DNAJC24: variants seen among roughly 807,000 people sequenced by gnomAD.
The protein encoded by DNAJC24 is dnaJ homolog subfamily C member 24.
DNAJC24 carries 17 observed loss-of-function variants against 18.0 expected under a neutral mutation model. That is an observed-to-expected ratio of 0.94 (90% CI 0.65 to 1.42). The LOEUF is 1.42. Ranked by LOEUF, DNAJC24 falls within the 40% of genes most tolerant of loss-of-function variation. DNAJC24 has a pLI of 0.00. For missense variants in DNAJC24, 158 were observed against 175.6 expected (o/e 0.90, Z 0.57); for synonymous variants, 55 against 57.7 (o/e 0.95, Z 0.21).
At chr11:31,407,998 A>G (rs1477394928) in intron 2 of DNAJC24, 2 of 431,204 alleles carry the variant, frequency 4.6e-6, no homozygotes, top group Admixed American at 5.0e-5. Context: ...GATGGTATCA[A>G]TACAAACAGT....
intron 2 of DNAJC24, among the ~76,000 whole-genome samples, chr11:31,394,516 A>G (rs1004267932): frequency 4.0e-5 from 6 of 151,734 alleles, no homozygotes; most frequent in African/African-American, 1.5e-4. Flanking sequence ...CTCTTCCACC[A>G]CACTGTTTTT....
Position 31,399,574 on chromosome 11 carries a change from C to T in DNAJC24, c.112-15237C>T, listed in dbSNP as rs143651551. On this transcript the variant is annotated intron_variant, in intron 2 of 4. Coordinates refer to ENST00000465995, the MANE Select transcript of DNAJC24 (RefSeq NM_181706.5). ...GAGTACAGGCGCACGCCATCACGCC[C>T]AGCTAATTTTTGTATTTTTAGTAGA... is the stretch of plus-strand genomic sequence containing the variant. 7.9e-3 allele frequency among the ~76,000 whole-genome samples: 1,206 copies of T among 151,958 alleles called. 15 individuals carry two copies. The highest frequency in any genetic ancestry group is 0.027 in the African/African-American group (1,131 of 41,506).
At chr11:31,397,622 C>A (rs1190910890) in intron 2 of DNAJC24, among the ~76,000 whole-genome samples, 1 of 151,786 alleles carries the variant, frequency 6.6e-6, no homozygotes, top group Non-Finnish European at 1.5e-5. Flanking sequence ...AGCAAAACAA[C>A]AACAAAACAC....
At chr11:31,374,017 A>G in intron 2 of DNAJC24, 1 of 294,486 alleles carries the variant, frequency 3.4e-6, no homozygotes, top group Non-Finnish European at 7.3e-6. Flanking sequence ...TTTTCTGCCA[A>G]CACAATTATG....
intron 3 of DNAJC24, among the ~76,000 whole-genome samples, chr11:31,419,846 T>C (rs1173265744): frequency 1.3e-5 from 2 of 152,078 alleles, no homozygotes; most frequent in Non-Finnish European, 2.9e-5. Context: ...TTGACATTTG[T>C]TCTTTTTTAA....
intron 2 of DNAJC24, among the ~76,000 whole-genome samples, chr11:31,384,379 C>G (rs1952407643): frequency 6.6e-6 from 1 of 152,166 alleles, no homozygotes; most frequent in African/African-American, 2.4e-5. Context: ...AAGTGAAGTT[C>G]TTGGAGGCAG....
At chr11:31,428,541 G>A (rs1952887612) in intron 4 of DNAJC24, among the ~76,000 whole-genome samples, 3 of 152,144 alleles carry the variant, frequency 2.0e-5, no homozygotes, top group Admixed American at 6.6e-5. Context: ...TTGCAGAATA[G>A]CTATGGAAAG....
intron 2 of DNAJC24, among the ~76,000 whole-genome samples, chr11:31,394,088 A>G (rs1310215439): frequency 6.6e-6 from 1 of 152,206 alleles, no homozygotes; most frequent in Non-Finnish European, 1.5e-5. Flanking sequence ...CCTGAGTGAC[A>G]CTTACCTAAG....
intron 4 of DNAJC24, chr11:31,427,418 T>C (rs938528112): frequency 1.3e-5 from 2 of 151,834 alleles, no homozygotes; most frequent in Non-Finnish European, 2.9e-5. Context: ...GTGGTGACAG[T>C]CTCATCAGAG....
chr11:31,390,870 C>T (rs1184762211), intron 2 of DNAJC24, among the ~76,000 whole-genome samples: 3 of 152,034 alleles, frequency 2.0e-5, no homozygotes, highest in Non-Finnish European at 4.4e-5. Flanking sequence ...TTCTACAAGG[C>T]CATTATTACC....
intron 2 of DNAJC24, among the ~76,000 whole-genome samples, chr11:31,399,739 C>CTTTTTTTT (rs757871094): frequency 2.1e-3 from 207 of 96,862 alleles, no homozygotes; most frequent in Non-Finnish European, 3.1e-3. Context: ...ACTGTTTTTT[C>CTTTTTTTT]TTTTTTTTTT....
chr11:31,395,948 T>C (rs1336633697), intron 2 of DNAJC24, among the ~76,000 whole-genome samples: 1 of 152,212 alleles, frequency 6.6e-6, no homozygotes, highest in African/African-American at 2.4e-5. Context: ...TAATTTCCCC[T>C]TTCCATTAGC....
intron 2 of DNAJC24, among the ~76,000 whole-genome samples, chr11:31,409,126 A>G (rs1428182148): frequency 1.3e-5 from 2 of 152,174 alleles, no homozygotes; most frequent in Non-Finnish European, 2.9e-5. Context: ...TAGTTTTTCC[A>G]TTAATTTTTT....
At chr11:31,394,554 A>G (rs1187268736) in intron 2 of DNAJC24, among the ~76,000 whole-genome samples, 3 of 152,028 alleles carry the variant, frequency 2.0e-5, no homozygotes, top group African/African-American at 7.2e-5. Flanking sequence ...TTTGATATTT[A>G]TAAAATAAAA....
intron 2 of DNAJC24, among the ~76,000 whole-genome samples, chr11:31,380,773 A>G (rs1230750005): frequency 6.6e-6 from 1 of 152,108 alleles, no homozygotes; most frequent in Admixed American, 6.5e-5. Flanking sequence ...GATATAGAAC[A>G]TTTTCATCTC....
chr11:31,381,575 A>ATT (rs544064492), intron 2 of DNAJC24, among the ~76,000 whole-genome samples: 9 of 142,198 alleles, frequency 6.3e-5, no homozygotes, highest in African/African-American at 7.8e-5. Context: ...TCAAAAAAAA[A>ATT]TTTTTTTTTT....
chr11:31,422,353 T>A (rs1221552600), intron 3 of DNAJC24, among the ~76,000 whole-genome samples: 5 of 152,194 alleles, frequency 3.3e-5, no homozygotes, highest in Admixed American at 3.3e-4. Flanking sequence ...TCTTTTAGTA[T>A]CATTGGACTC....
chr11:31,429,946 A>C (rs1040249516), intron 4 of DNAJC24: 1 of 170,558 alleles, frequency 5.9e-6, no homozygotes, highest in African/African-American at 2.4e-5. Context: ...AAAGAATGTA[A>C]AATTTATATG....
chr11:31,430,172 GT>G (rs1267275035), intron 4 of DNAJC24, 98 bp from the exon 5 acceptor site: 1 of 1,101,844 alleles, frequency 9.1e-7, no homozygotes, highest in African/African-American at 1.6e-5. Flanking sequence ...TCTTTGTTTT[GT>G]TTTACAATTC....
Sources: gnomAD v4.1 joint callset for allele counts (sites outside exome capture counted in the v4.1 genomes callset) on GRCh38, gnomAD v4.1.1 for gene constraint, MANE v1.5 for transcripts, NCBI Gene and HGNC (gene_info 2026-07-23, HGNC 2026-07-21) for gene names.